Variants in CNTNAP2 observed in about 807,000 individuals in gnomAD.
CNTNAP2 encodes the protein contactin-associated protein-like 2.
Under a neutral mutation model 155.2 loss-of-function variants are expected in CNTNAP2, and 98 were observed. The observed-to-expected ratio is 0.63, with a 90% CI of 0.54 to 0.75. The LOEUF (loss-of-function observed/expected upper bound fraction) is 0.75, where lower values mean the gene tolerates loss of function less well. CNTNAP2 is among the 30% of genes least tolerant of loss of function. CNTNAP2 has a pLI of 0.00. For missense variants in CNTNAP2, 1,727 were observed against 1,688.1 expected (o/e 1.02, Z -0.40); for synonymous variants, 651 against 631.2 (o/e 1.03, Z -0.47).
intron 11 of CNTNAP2, among the ~76,000 whole-genome samples, chr7:147,510,870 T>TATATATATATATATATAA (rs1554400075): frequency 7.0e-6 from 1 of 143,102 alleles, no homozygotes; most frequent in African/African-American, 2.7e-5. Context: ...TATATATATA[T>TATATATATATATATATAA]AATGCTTCCT....
chr7:147,364,204 A>T (rs1796189589), intron 9 of CNTNAP2, among the ~76,000 whole-genome samples: 1 of 152,232 alleles, frequency 6.6e-6, no homozygotes, highest in Non-Finnish European at 1.5e-5. Context: ...TGCTAAGAAG[A>T]ATGTGGATAA....
rs561305444 is a variant in CNTNAP2, at chr7:146,878,480, T to G, written c.402+38576T>G. Among the ~76,000 whole-genome samples the G allele has an allele frequency of 1.8e-4, 27 of 152,136 alleles. No homozygotes were observed. The East Asian group carries it at 5.2e-3, about 29-fold the overall frequency. Reference sequence around the variant, plus strand: ...TTTTAATAAGATTATACCAGCCCTATGTTTATGTTAGAAAAGATGACCTAA... The same window carrying G: ...TTTTAATAAGATTATACCAGCCCTAGGTTTATGTTAGAAAAGATGACCTAA... On this transcript the variant is annotated intron_variant, in intron 3 of 23. Transcript: ENST00000361727.
At chr7:147,759,559 A>G (rs1206096414) in intron 13 of CNTNAP2, among the ~76,000 whole-genome samples, 3 of 152,198 alleles carry the variant, frequency 2.0e-5, no homozygotes, top group Non-Finnish European at 2.9e-5. Context: ...AGACTCACAA[A>G]AATCAGAGCT....
intron 14 of CNTNAP2, among the ~76,000 whole-genome samples, chr7:147,909,948 C>T (rs866192424): frequency 2.0e-5 from 3 of 152,144 alleles, no homozygotes; most frequent in Admixed American, 1.3e-4. Context: ...AAATACTAGC[C>T]GTTGTGCTCT....
intron 13 of CNTNAP2, among the ~76,000 whole-genome samples, chr7:147,744,325 G>A (rs993841970): frequency 4.6e-5 from 7 of 152,030 alleles, no homozygotes; most frequent in Admixed American, 1.3e-4. Context: ...AGAATTCCTG[G>A]TATTATTATT....
chr7:147,942,775 C>T (rs554127738), intron 14 of CNTNAP2, among the ~76,000 whole-genome samples: 4 of 152,258 alleles, frequency 2.6e-5, no homozygotes, highest in Admixed American at 1.3e-4. Context: ...CAGTGGCTCA[C>T]GCCCGTAATC....
At chr7:146,311,821 A>G (rs901757269) in intron 1 of CNTNAP2, 14 of 151,108 alleles carry the variant, frequency 9.3e-5, no homozygotes, top group African/African-American at 3.4e-4. Flanking sequence ...TTAACTAGAA[A>G]AATATATATA....
At chr7:147,273,265 T>A (rs1402688118) in intron 8 of CNTNAP2, among the ~76,000 whole-genome samples, 1 of 152,206 alleles carries the variant, frequency 6.6e-6, no homozygotes, top group Admixed American at 6.5e-5. Flanking sequence ...ATTGTTGTGG[T>A]ATTGATATTA....
intron 1 of CNTNAP2, among the ~76,000 whole-genome samples, chr7:146,329,311 G>A (rs943401857): frequency 1.3e-5 from 2 of 152,060 alleles, no homozygotes; most frequent in South Asian, 2.1e-4. Flanking sequence ...AACCTATCAT[G>A]TTCCAAACAA....
At chr7:146,946,524 G>A (rs868844850) in intron 3 of CNTNAP2, among the ~76,000 whole-genome samples, 4 of 152,030 alleles carry the variant, frequency 2.6e-5, no homozygotes, top group Admixed American at 1.3e-4. Flanking sequence ...AGGTTTAGGG[G>A]AGGCTTAATT....
intron 1 of CNTNAP2, among the ~76,000 whole-genome samples, chr7:146,415,939 GCT>G (rs1795932148): frequency 6.6e-6 from 1 of 151,810 alleles, no homozygotes; most frequent in South Asian, 2.1e-4. Flanking sequence ...TAATTCCAAG[GCT>G]CTCTTTATCC....
intron 3 of CNTNAP2, among the ~76,000 whole-genome samples, chr7:146,953,256 C>G (rs974937811): frequency 4.6e-5 from 7 of 151,954 alleles, no homozygotes; most frequent in African/African-American, 1.7e-4. Flanking sequence ...AGAACCAATA[C>G]TATTTTAAGG....
chr7:148,080,618 A>G (rs890590384), intron 15 of CNTNAP2, among the ~76,000 whole-genome samples: 3 of 151,410 alleles, frequency 2.0e-5, no homozygotes, highest in Non-Finnish European at 4.4e-5. Flanking sequence ...AAAAAAAAAA[A>G]AAAAAGAAAA....
intron 1 of CNTNAP2, among the ~76,000 whole-genome samples, chr7:146,747,968 A>G (rs2129182033): frequency 6.6e-6 from 1 of 152,162 alleles, no homozygotes; most frequent in African/African-American, 2.4e-5. Context: ...TATAGGCTTA[A>G]TGAACACAAT....
intron 13 of CNTNAP2, among the ~76,000 whole-genome samples, chr7:147,878,709 A>C (rs951516216): frequency 6.6e-6 from 1 of 152,198 alleles, no homozygotes; most frequent in Non-Finnish European, 1.5e-5. Flanking sequence ...CTCTGATTTC[A>C]TTCTGGAAAG....
intron 17 of CNTNAP2, among the ~76,000 whole-genome samples, chr7:148,154,326 G>A (rs1164197478): frequency 6.6e-6 from 1 of 152,178 alleles, no homozygotes; most frequent in Non-Finnish European, 1.5e-5. Context: ...GGCAACCTGA[G>A]TTTATGGAAG....
At chr7:148,121,336 GATCATACTTTTTCAGTCAGA>G (rs1303635366) in intron 16 of CNTNAP2, among the ~76,000 whole-genome samples, 1 of 152,254 alleles carries the variant, frequency 6.6e-6, no homozygotes, top group South Asian at 2.1e-4. Flanking sequence ...CCTGGCCGCT[GATCATACTTTTTCAGTCAGA>G]CACTTCGCCA....
chr7:148,052,078 G>A (rs928763722), intron 15 of CNTNAP2, among the ~76,000 whole-genome samples: 6 of 149,660 alleles, frequency 4.0e-5, no homozygotes, highest in Non-Finnish European at 8.9e-5. Context: ...GGCGGAGCTT[G>A]CAGTGAGCTG....
At chr7:146,561,554 G>C (rs1306493821) in intron 1 of CNTNAP2, among the ~76,000 whole-genome samples, 4 of 152,112 alleles carry the variant, frequency 2.6e-5, no homozygotes, top group Non-Finnish European at 5.9e-5. Flanking sequence ...ACCTACTTGG[G>C]AGGCTGAGGC....
Sources: gnomAD v4.1 joint callset for allele counts (sites outside exome capture counted in the v4.1 genomes callset) on GRCh38, gnomAD v4.1.1 for gene constraint, MANE v1.5 for transcripts, NCBI Gene and HGNC (gene_info 2026-07-23, HGNC 2026-07-21) for gene names.